The following IL1RAP variants were observed in gnomAD, a reference collection of about 807,000 sequenced individuals.
IL1RAP encodes interleukin 1 receptor accessory protein, also known as interleukin-1 receptor accessory protein.
A neutral mutation model predicts 60.7 loss-of-function variants in IL1RAP; 35 were observed. That is an observed-to-expected ratio of 0.58 (90% confidence interval 0.44 to 0.76). The LOEUF (loss-of-function observed/expected upper bound fraction) is 0.76, where lower values mean the gene tolerates loss of function less well. Among genes scored for constraint, IL1RAP ranks in the 30% least tolerant of loss-of-function variants. The pLI, the probability that IL1RAP is intolerant of heterozygous loss-of-function variation, is 0.00. For missense variants in IL1RAP, 572 were observed against 693.9 expected (o/e 0.82, Z 1.97); for synonymous variants, 268 against 250.9 (o/e 1.07, Z -0.64).
chr3:190,537,203 T>C (rs890569291), intron 1 of IL1RAP, among the ~76,000 whole-genome samples: 4 of 151,396 alleles, frequency 2.6e-5, no homozygotes, highest in Non-Finnish European at 5.9e-5. Flanking sequence ...TTACTTTAGA[T>C]ACATTTTCTC....
chr3:190,553,996 G>C (rs1725149051), intron 1 of IL1RAP, among the ~76,000 whole-genome samples: 1 of 148,280 alleles, frequency 6.7e-6, no homozygotes, highest in Admixed American at 6.7e-5. Context: ...GGGAGGCGGA[G>C]CTTGCAGTGA....
intron 5 of IL1RAP, among the ~76,000 whole-genome samples, chr3:190,618,438 A>G (rs1731468499): frequency 6.6e-6 from 1 of 152,218 alleles, no homozygotes; most frequent in Non-Finnish European, 1.5e-5. Context: ...AGCTGATGAA[A>G]GACCGTTATT....
intron 3 of IL1RAP, among the ~76,000 whole-genome samples, chr3:190,580,888 G>C (rs1478996742): frequency 6.6e-6 from 1 of 152,178 alleles, no homozygotes; most frequent in Non-Finnish European, 1.5e-5. Flanking sequence ...TTATGGCATA[G>C]ATTGTGATGA....
At chr3:190,614,788 C>T (rs1437490250) in intron 5 of IL1RAP, among the ~76,000 whole-genome samples, 1 of 152,146 alleles carries the variant, frequency 6.6e-6, no homozygotes. Context: ...AAAAACTCTA[C>T]TCTCTAGAAC....
At chr3:190,572,349 ATG>A (rs1350849794) in intron 3 of IL1RAP, among the ~76,000 whole-genome samples, 2 of 152,188 alleles carry the variant, frequency 1.3e-5, no homozygotes, top group African/African-American at 4.8e-5. Flanking sequence ...TTGATTCTAC[ATG>A]TCTTTTTGTC....
chr3:190,567,079 T>G (rs545569642), intron 3 of IL1RAP, among the ~76,000 whole-genome samples: 1 of 152,096 alleles, frequency 6.6e-6, no homozygotes, highest in Non-Finnish European at 1.5e-5. Flanking sequence ...TCCTCAAATA[T>G]AAAAAAGAAA....
At chr3:190,528,361 G>A (rs1190250948) in intron 1 of IL1RAP, among the ~76,000 whole-genome samples, 2 of 152,122 alleles carry the variant, frequency 1.3e-5, no homozygotes, top group Admixed American at 6.5e-5. Context: ...TTGTTGGACC[G>A]GGCATATAAT....
At chr3:190,604,059 T>C in intron 3 of IL1RAP, 69 bp from the exon 4 acceptor site, 1 of 1,450,074 alleles carries the variant, frequency 6.9e-7, no homozygotes, top group African/African-American at 1.4e-5. Flanking sequence ...GAGGAGAAGG[T>C]GTGTTCTTTT....
intron 6 of IL1RAP, 29 bp from the exon 7 acceptor site, chr3:190,623,315 A>G: frequency 6.5e-7 from 1 of 1,548,518 alleles, no homozygotes; most frequent in Non-Finnish European, 8.9e-7. Flanking sequence ...ATTTAACATC[A>G]TCTCCCTTTT....
intron 1 of IL1RAP, chr3:190,520,559 A>T (rs1035648975): frequency 6.6e-6 from 1 of 152,192 alleles, no homozygotes; most frequent in African/African-American, 2.4e-5. Flanking sequence ...CAGCAAGACC[A>T]GTGTCAAGTA....
chr3:190,592,227 C>T (rs1729006765), intron 3 of IL1RAP, among the ~76,000 whole-genome samples: 1 of 152,184 alleles, frequency 6.6e-6, no homozygotes. Flanking sequence ...GCCATGTTGG[C>T]CAGACTGGTC....
chr3:190,651,785 G>A (rs1734412425), downstream of IL1RAP, among the ~76,000 whole-genome samples: 1 of 148,536 alleles, frequency 6.7e-6, no homozygotes, highest in Non-Finnish European at 1.5e-5. Flanking sequence ...GTGTGTATGT[G>A]TATGTGTATG....
In IL1RAP at chr3:190,608,959, A is replaced by G. The variant is rs766059565; in HGVS notation, c.351-36A>G. ...GTGGTTGCTCTATGAAATCAAATGC[A>G]AATACTACCCATTCATTGTATATTT... On this transcript the variant is annotated intron_variant, in intron 4 of 11. Transcript: ENST00000447382. 2.6e-6 allele frequency: 4 copies of G among 1,549,096 alleles called. No individual in the cohort carries two copies. The Admixed American group carries it at 6.9e-5, about 27-fold the overall frequency.
intron 3 of IL1RAP, among the ~76,000 whole-genome samples, chr3:190,582,565 G>T (rs1175978394): frequency 1.3e-5 from 2 of 152,142 alleles, no homozygotes; most frequent in South Asian, 2.1e-4. Context: ...TGATCCACCC[G>T]CCTCGGCCTC....
chr3:190,654,190 T>TCCCA (rs1553854858), downstream of IL1RAP, among the ~76,000 whole-genome samples: 1 of 140,414 alleles, frequency 7.1e-6, no homozygotes, highest in Admixed American at 7.1e-5. Context: ...AAACATCATA[T>TCCCA]CACACACACA....
intron 3 of IL1RAP, among the ~76,000 whole-genome samples, chr3:190,592,089 G>A (rs961518035): frequency 2.6e-5 from 4 of 152,218 alleles, no homozygotes; most frequent in East Asian, 3.9e-4. Flanking sequence ...GTGCGATCTC[G>A]GCTCACTGAA....
chr3:190,659,690 C>T (rs991784733), exon 12 of IL1RAP: 1 of 152,160 alleles, frequency 6.6e-6, no homozygotes, highest in African/African-American at 2.4e-5. Flanking sequence ...TCTGTTTGAA[C>T]ATGGTCTCTC....
chr3:190,552,737 C>A (rs544526822), intron 1 of IL1RAP, among the ~76,000 whole-genome samples: 27 of 152,180 alleles, frequency 1.8e-4, no homozygotes, highest in African/African-American at 6.3e-4. Context: ...AAACAGAGGT[C>A]TTTCCCCTCT....
At chr3:190,594,204 C>G (rs1364574722) in intron 3 of IL1RAP, among the ~76,000 whole-genome samples, 1 of 152,184 alleles carries the variant, frequency 6.6e-6, no homozygotes, top group African/African-American at 2.4e-5. Flanking sequence ...TTCTGAAAAT[C>G]TGCAGTTCTG....
Sources: allele counts gnomAD v4.1 joint callset (sites outside exome capture counted in the v4.1 genomes callset), GRCh38; gene constraint gnomAD v4.1.1; transcripts MANE v1.5; gene names NCBI Gene and HGNC (gene_info 2026-07-23, HGNC 2026-07-21).